Variants in SIAH1 observed in about 807,000 individuals in gnomAD.
SIAH1 encodes E3 ubiquitin-protein ligase SIAH1.
In SIAH1, 2 loss-of-function variants were observed where a neutral mutation model predicts 20.0. The observed-to-expected ratio is 0.10, with a 90% CI of 0.04 to 0.31. SIAH1 has a LOEUF of 0.31. SIAH1 is among the 10% of genes least tolerant of loss of function. The probability of loss-of-function intolerance (pLI) is 1.00; values close to 1 mark genes in which losing one functional copy is unlikely to be tolerated. For missense variants in SIAH1, 119 were observed against 355.3 expected (o/e 0.33, Z 5.35); for synonymous variants, 118 against 125.3 (o/e 0.94, Z 0.39).
At chr16:48,385,802 C>A (rs8056369), upstream of SIAH1, among the ~76,000 whole-genome samples, 8 of 152,034 alleles carry the variant, frequency 5.3e-5, no homozygotes, top group African/African-American at 1.7e-4. Context: ...CCAGGCTGGC[C>A]GCCGCCGCGG....
chr16:48,366,327 C>T (rs962679949), intron 1 of SIAH1, among the ~76,000 whole-genome samples: 1 of 152,184 alleles, frequency 6.6e-6, no homozygotes, highest in South Asian at 2.1e-4. Flanking sequence ...AAAACATTCT[C>T]CCTAATTCAT....
chr16:48,363,919 G>A (rs1476329992), intron 1 of SIAH1: 1 of 151,460 alleles, frequency 6.6e-6, no homozygotes, highest in Non-Finnish European at 1.6e-5. Context: ...TGCACTCCTA[G>A]TAACTCTACT....
intron 1 of SIAH1, among the ~76,000 whole-genome samples, chr16:48,380,948 A>AAAAAAAAAAAAAAAAAAAAC (rs1961268534): frequency 6.7e-6 from 1 of 148,372 alleles, no homozygotes; most frequent in Non-Finnish European, 1.5e-5. Context: ...AAAAAAAAGA[A>AAAAAAAAAAAAAAAAAAAAC]CGGCTAAAAT....
chr16:48,385,244 C>T lies in SIAH1; in HGVS notation c.-43G>A, dbSNP rs1158239488. ...GCGCCTCGGACCCCGGTCCTGGCAC[C>T]AACGCGCTCCGTCGCCAACCCCCGC... On this transcript the variant is annotated 5_prime_UTR_variant, in exon 1 of 2. Transcript: ENST00000394725. 3 of 323,726 alleles carry T rather than the reference C, an allele frequency of 9.3e-6. No individual in the cohort carries two copies. The Admixed American group carries it at 9.6e-5, about 10-fold the overall frequency. 20.1% of individuals were successfully genotyped at this position (323,726 alleles called of 1,614,324 possible).
At chr16:48,370,658 T>A (rs933399818) in intron 1 of SIAH1, among the ~76,000 whole-genome samples, 12 of 151,686 alleles carry the variant, frequency 7.9e-5, no homozygotes, top group African/African-American at 2.9e-4. Flanking sequence ...TACAAAAAAT[T>A]AGCCAGGCGC....
At chr16:48,385,051 G>C (rs1961414555) in intron 1 of SIAH1, among the ~76,000 whole-genome samples, 153 bp downstream of exon 1, 1 of 148,788 alleles carries the variant, frequency 6.7e-6, no homozygotes, top group Non-Finnish European at 1.5e-5. Flanking sequence ...CGGGCGGCCC[G>C]ACTCCGGCCG....
At chr16:48,377,903 T>A (rs936063412) in intron 1 of SIAH1, among the ~76,000 whole-genome samples, 3 of 151,472 alleles carry the variant, frequency 2.0e-5, no homozygotes, top group Non-Finnish European at 4.4e-5. Flanking sequence ...CATAGTGAGA[T>A]CTCGTCTCTA....
chr16:48,370,805 CAAAAAA>C (rs79073186), intron 1 of SIAH1, among the ~76,000 whole-genome samples: 1 of 125,352 alleles, frequency 8.0e-6, no homozygotes, highest in African/African-American at 2.9e-5. Context: ...GACTCCATCT[CAAAAAA>C]AAAAAAAACA....
Position 48,361,334 on chromosome 16 carries a change from C to T in SIAH1, c.*246G>A, listed in dbSNP as rs1351809802. 4.9e-6 allele frequency: 2 copies of T among 405,604 alleles called. No individual in the cohort carries two copies. Among genetic ancestry groups the T allele is most frequent in the East Asian group, 4.3e-5 (1 of 23,464 alleles). 25.1% of individuals were successfully genotyped at this position (405,604 alleles called of 1,614,324 possible). On this transcript the variant is annotated 3_prime_UTR_variant, in exon 2 of 2. Transcript: ENST00000394725. The stretch of plus-strand genomic sequence containing the variant: ...TTTTACAATGCTTCCTTTCTTAATA[C>T]AAAAGATGCCCATCTTGGGTGTATA...
chr16:48,364,653 C>T (rs1253265885), intron 1 of SIAH1, among the ~76,000 whole-genome samples: 1 of 152,188 alleles, frequency 6.6e-6, no homozygotes, highest in East Asian at 1.9e-4. Flanking sequence ...ATATGACATC[C>T]ATTTTATGTC....
chr16:48,375,681 A>C (rs1056516431), intron 1 of SIAH1, among the ~76,000 whole-genome samples: 1 of 152,224 alleles, frequency 6.6e-6, no homozygotes, highest in Non-Finnish European at 1.5e-5. Context: ...GGGAGAAAAA[A>C]AGCTACAGAA....
At chr16:48,365,178 T>G (rs1040292554) in intron 1 of SIAH1, 1 of 529,146 alleles carries the variant, frequency 1.9e-6, no homozygotes, top group African/African-American at 1.9e-5. Flanking sequence ...CGCCCTGCAG[T>G]AGGAACCAAG....
intron 1 of SIAH1, 42 bp downstream of exon 1, chr16:48,385,162 C>A (rs1961419127): frequency 4.3e-6 from 1 of 234,212 alleles, no homozygotes. Flanking sequence ...TGTCGGAGAG[C>A]CCCTCGCCGC....
intron 1 of SIAH1, among the ~76,000 whole-genome samples, chr16:48,366,815 T>C (rs1960854826): frequency 1.3e-5 from 2 of 152,196 alleles, no homozygotes; most frequent in South Asian, 4.1e-4. Flanking sequence ...GTGTGTTCAA[T>C]CACCTCAACC....
intron 1 of SIAH1, among the ~76,000 whole-genome samples, chr16:48,375,801 A>G (rs1302540272): frequency 6.6e-6 from 1 of 152,222 alleles, no homozygotes; most frequent in East Asian, 1.9e-4. Flanking sequence ...GTAGCATGTA[A>G]TGAAACAGAA....
At chr16:48,366,415 A>G (rs968696142) in intron 1 of SIAH1, among the ~76,000 whole-genome samples, 6 of 152,188 alleles carry the variant, frequency 3.9e-5, no homozygotes, top group Admixed American at 2.6e-4. Flanking sequence ...TATCAGCACT[A>G]TATTTTAAAC....
intron 1 of SIAH1, among the ~76,000 whole-genome samples, chr16:48,374,266 TAC>T (rs1961048945): frequency 6.6e-6 from 1 of 152,230 alleles, no homozygotes; most frequent in African/African-American, 2.4e-5. Flanking sequence ...TGGCACATAG[TAC>T]AGACTCCAAT....
At chr16:48,377,510 C>A (rs1182972190) in intron 1 of SIAH1, among the ~76,000 whole-genome samples, 2 of 151,910 alleles carry the variant, frequency 1.3e-5, no homozygotes, top group African/African-American at 4.8e-5. Flanking sequence ...CTGCCTCAGC[C>A]TCCGAGTAGC....
At chr16:48,365,902 C>G (rs1168900134) in intron 1 of SIAH1, 8 of 1,230,504 alleles carry the variant, frequency 6.5e-6, no homozygotes, top group Non-Finnish European at 8.1e-6. Context: ...GCCTGCCTGC[C>G]GGGAGAGCCA....
Sources: allele counts gnomAD v4.1 joint callset (sites outside exome capture counted in the v4.1 genomes callset), GRCh38; gene constraint gnomAD v4.1.1; transcripts MANE v1.5; gene names NCBI Gene and HGNC (gene_info 2026-07-23, HGNC 2026-07-21).